SYNE2: variants seen among roughly 807,000 people sequenced by gnomAD.
SYNE2 encodes nesprin-2.
SYNE2 carries 431 observed loss-of-function variants against 856.3 expected under a neutral mutation model. The ratio of observed to expected loss-of-function variants is 0.50; its 90% CI spans 0.47 to 0.55. The LOEUF is 0.55. Among genes scored for constraint, SYNE2 ranks in the 20% least tolerant of loss-of-function variants. SYNE2 has a pLI of 0.00. For missense variants in SYNE2, 8,129 were observed against 8,023.2 expected (o/e 1.01, Z -0.50); for synonymous variants, 2,923 against 2,872.3 (o/e 1.02, Z -0.56).
chr14:63,998,901 T>C lies in SYNE2; in HGVS notation c.3354-13T>C. ...AAATTAACTATTGTGATGTTGCATT[T>C]CATTTTGCCCAGGTATGATACATAC... On this transcript the variant is annotated splice_polypyrimidine_tract_variant and intron_variant, in intron 26 of 115. Coordinates refer to ENST00000555002, the MANE Select transcript of SYNE2 (RefSeq NM_182914.3). 6.2e-7 allele frequency: 1 copy of C among 1,613,790 alleles called. No homozygotes were observed. The highest frequency in any genetic ancestry group is 8.5e-7 in the Non-Finnish European group (1 of 1,179,818).
chr14:64,080,075 G>A (rs2097507784), intron 55 of SYNE2, among the ~76,000 whole-genome samples: 2 of 151,764 alleles, frequency 1.3e-5, no homozygotes, highest in African/African-American at 4.9e-5. Context: ...GCGCGTGCGT[G>A]TGTGTGTATG....
chr14:64,051,221 T>C (rs1256249615), intron 47 of SYNE2, among the ~76,000 whole-genome samples: 4 of 152,156 alleles, frequency 2.6e-5, no homozygotes, highest in Non-Finnish European at 2.9e-5. Context: ...ATACAAGTAC[T>C]TTACAATTTA....
chr14:64,120,889 T>A (rs778145868), intron 67 of SYNE2, 38 bp from the exon 68 acceptor site: 3 of 1,612,022 alleles, frequency 1.9e-6, no homozygotes. Context: ...AGTTTATTTT[T>A]AAAAATAAAT....
chr14:64,195,834 A>G (rs2098538496), intron 99 of SYNE2, among the ~76,000 whole-genome samples: 1 of 152,216 alleles, frequency 6.6e-6, no homozygotes, highest in Non-Finnish European at 1.5e-5. Flanking sequence ...TGCCTGATCC[A>G]GTGGGACTGG....
chr14:63,786,214 C>T (rs777503525), intron 1 of SYNE2, among the ~76,000 whole-genome samples: 12 of 150,326 alleles, frequency 8.0e-5, no homozygotes, highest in Middle Eastern at 3.2e-3. Flanking sequence ...CACACCACTG[C>T]ACTCCAGTCT....
chr14:64,183,395 G>A (rs1487719240), intron 96 of SYNE2, among the ~76,000 whole-genome samples: 3 of 152,124 alleles, frequency 2.0e-5, no homozygotes, highest in Non-Finnish European at 4.4e-5. Context: ...TCCTAGACGG[G>A]ATGGCAGCCA....
At chr14:63,969,764 G>T (rs566838725) in intron 11 of SYNE2, among the ~76,000 whole-genome samples, 24 of 152,140 alleles carry the variant, frequency 1.6e-4, no homozygotes, top group African/African-American at 5.5e-4. Context: ...ATATAAGGTG[G>T]TTGATAATTT....
rs1454688156 is a variant in SYNE2 at position 63,948,782 on chromosome 14, G to GTGTATA, written c.409-1042_409-1041insGTATAT. ...TATGTATATATATGTATGTGTGTGT[G>GTGTATA]TATATATATATATATATATATATAT... On this transcript the variant is annotated intron_variant, in intron 6 of 115. Coordinates refer to ENST00000555002, the MANE Select transcript of SYNE2 (RefSeq NM_182914.3). 5.0e-3 allele frequency among the ~76,000 whole-genome samples: 220 copies of GTGTATA among 43,836 alleles called. 1 individual carries two copies. The highest frequency in any genetic ancestry group is 5.7e-3 in the African/African-American group (71 of 12,394). The allele number at this position is 43,836 out of a possible 152,430, so 28.8% of individuals were successfully genotyped here.
chr14:63,988,264 G>T (rs1007273656), intron 19 of SYNE2, among the ~76,000 whole-genome samples: 1 of 152,184 alleles, frequency 6.6e-6, no homozygotes, highest in Admixed American at 6.5e-5. Flanking sequence ...TTTTAGTAGA[G>T]ATAGGGTTTT....
chr14:64,178,794 G>T (rs546020722), intron 96 of SYNE2, among the ~76,000 whole-genome samples: 1 of 152,206 alleles, frequency 6.6e-6, no homozygotes, highest in Non-Finnish European at 1.5e-5. Flanking sequence ...TATATGGCTA[G>T]GCATGGTGGC....
intron 103 of SYNE2, among the ~76,000 whole-genome samples, chr14:64,210,389 C>T (rs768729403): frequency 1.3e-4 from 20 of 152,144 alleles, no homozygotes; most frequent in Non-Finnish European, 2.2e-4. Flanking sequence ...CTTCTGTAAC[C>T]CGTGGTGGTG....
chr14:64,205,768 C>T (rs573015106), intron 100 of SYNE2, among the ~76,000 whole-genome samples: 3 of 152,216 alleles, frequency 2.0e-5, no homozygotes, highest in East Asian at 1.9e-4. Context: ...ACTTAAATCA[C>T]GAACCACTTT....
intron 1 of SYNE2, among the ~76,000 whole-genome samples, chr14:63,778,916 AG>A (rs567818753): frequency 0.5 from 75,991 of 151,944 alleles, 20,749 homozygotes; most frequent in South Asian, 0.67. Flanking sequence ...AAGTGTTGGG[AG>A]TCTCCCAAAG....
chr14:63,930,736 A>G (rs1241116668), intron 2 of SYNE2, among the ~76,000 whole-genome samples: 1 of 152,072 alleles, frequency 6.6e-6, no homozygotes, highest in Non-Finnish European at 1.5e-5. Context: ...GGGTTTCACC[A>G]TGTTGACCAG....
intron 104 of SYNE2, among the ~76,000 whole-genome samples, 162 bp downstream of exon 104, chr14:64,212,260 G>C (rs1421019807): frequency 6.6e-6 from 1 of 152,190 alleles, no homozygotes; most frequent in Non-Finnish European, 1.5e-5. Flanking sequence ...TCACGTGCAA[G>C]GATACTGTTC....
At chr14:63,904,098 T>G (rs2095375255) in intron 1 of SYNE2, among the ~76,000 whole-genome samples, 1 of 152,210 alleles carries the variant, frequency 6.6e-6, no homozygotes, top group South Asian at 2.1e-4. Context: ...CCTGTGTTAA[T>G]TCGCTTAGGA....
At chr14:64,069,477 G>T (rs139691907) in intron 51 of SYNE2, among the ~76,000 whole-genome samples, 10 of 152,252 alleles carry the variant, frequency 6.6e-5, no homozygotes, top group Non-Finnish European at 1.2e-4. Flanking sequence ...ACCCAACTGG[G>T]TCATACAGCC....
chr14:63,878,268 G>A (rs745454830), intron 1 of SYNE2, among the ~76,000 whole-genome samples: 1 of 152,176 alleles, frequency 6.6e-6, no homozygotes, highest in Non-Finnish European at 1.5e-5. Flanking sequence ...TCTCCACCCT[G>A]TGGGACTGGC....
At position 64,002,955 on chromosome 14, in the gene SYNE2, C is replaced by T. The variant is rs746171692; in HGVS notation, c.4022C>T (p.Pro1341Leu). 2.5e-6 allele frequency: 4 copies of T among 1,614,020 alleles called. No individual in the cohort carries two copies. The highest frequency in any genetic ancestry group is 1.6e-4 in the Middle Eastern group (1 of 6,084). ...SLRTAKLSAEPVTDLSASDTQ... is the reference protein window; with the variant it reads ...SLRTAKLSAELVTDLSASDTQ... The stretch of plus-strand genomic sequence containing the variant: ...AGAACAGCTAAACTCTCTGCTGAGC[C>T]CGTTACAGACCTTTCAGCCTCAGAT... Residue 1341 changes from proline (P) to leucine (L), a missense_variant, in exon 30 of 116, where the codon CCC (proline) becomes CTC (leucine). This residue lies in a region of SYNE2 where 2,422 missense variants were observed against 2,357.4 expected (regional missense o/e 1.03). Coordinates refer to ENST00000555002, the MANE Select transcript of SYNE2 (RefSeq NM_182914.3).
Sources: allele counts gnomAD v4.1 joint callset (sites outside exome capture counted in the v4.1 genomes callset), GRCh38; gene constraint gnomAD v4.1.1; regional missense constraint gnomAD v4.1.1; transcripts MANE v1.5; gene names NCBI Gene and HGNC (gene_info 2026-07-23, HGNC 2026-07-21).